Variants in ARHGEF28 observed in about 807,000 individuals in gnomAD.
The protein encoded by ARHGEF28 is 190 kDa guanine nucleotide exchange factor.
ARHGEF28 carries 152 observed loss-of-function variants against 206.6 expected under a neutral mutation model. The observed-to-expected ratio is 0.74, with a 90% CI of 0.64 to 0.84. The LOEUF (loss-of-function observed/expected upper bound fraction) is 0.84. Ranked by LOEUF, ARHGEF28 falls within the 40% of genes least tolerant of loss-of-function variation. The pLI is 0.00. For missense variants in ARHGEF28, 2,028 were observed against 2,073.2 expected (o/e 0.98, Z 0.42); for synonymous variants, 763 against 776.4 (o/e 0.98, Z 0.29).
chr5:73,762,938 G>A (rs553479219), intron 4 of ARHGEF28, among the ~76,000 whole-genome samples: 3 of 152,288 alleles, frequency 2.0e-5, no homozygotes, highest in Non-Finnish European at 2.9e-5. Context: ...GATAGTAATA[G>A]TACATACATC....
At chr5:73,712,688 C>G (rs1305428420) in intron 2 of ARHGEF28, among the ~76,000 whole-genome samples, 1 of 152,134 alleles carries the variant, frequency 6.6e-6, no homozygotes, top group African/African-American at 2.4e-5. Flanking sequence ...GTGAACTTTT[C>G]CCTCGAAATT....
chr5:73,802,011 A>G lies in ARHGEF28; in HGVS notation c.1024+6620A>G, dbSNP rs74522592. 6.1e-3 allele frequency among the ~76,000 whole-genome samples: 924 copies of G among 152,296 alleles called. 11 individuals carry two copies. Among genetic ancestry groups the G allele is most frequent in the African/African-American group, 0.021 (863 of 41,570 alleles). ...ATCACCCCTAACGTACTAGGTTTTCAGTAGTTTTGGGAATTAGAGAAATGG... is the reference window on the plus strand; with the variant it reads ...ATCACCCCTAACGTACTAGGTTTTCGGTAGTTTTGGGAATTAGAGAAATGG... On this transcript the variant is annotated intron_variant, in intron 9 of 35. Transcript: ENST00000513042.
In ARHGEF28 at chr5:73,846,471, C is replaced by T. The variant is rs2973571; in HGVS notation, c.1631C>T (p.Ser544Leu). The T allele has an allele frequency of 0.27, 431,725 of 1,611,306 alleles. 60,119 individuals carry two copies. Among genetic ancestry groups the T allele is most frequent in the Admixed American group, 0.3 (17,778 of 59,958 alleles). Residue 544 changes from serine to leucine, a missense_variant, in exon 12 of 36, where the codon TCG becomes TTG. Ser to Leu is a moderately radical substitution (Grantham distance 145, BLOSUM62 -2). Transcript: ENST00000513042. Reference sequence around the variant, plus strand: ...CTTCCTCTATCAAGTAATCTACAGTCGAAGGTATTCTTATTGCTATTAATT... The same window carrying T: ...CTTCCTCTATCAAGTAATCTACAGTTGAAGGTATTCTTATTGCTATTAATT... The part of the protein sequence containing the change: ...ESLPLSSNLQ[S>L]KESLLSGVRS...
At chr5:73,628,408 A>C (rs1184276216) in intron 1 of ARHGEF28, among the ~76,000 whole-genome samples, 1 of 152,210 alleles carries the variant, frequency 6.6e-6, no homozygotes, top group Non-Finnish European at 1.5e-5. Flanking sequence ...CATGATATAA[A>C]TGTTGGAAAA....
intron 2 of ARHGEF28, among the ~76,000 whole-genome samples, chr5:73,744,638 T>C (rs1376792169): frequency 6.6e-6 from 1 of 152,080 alleles, no homozygotes; most frequent in African/African-American, 2.4e-5. Context: ...ATAATAGTTT[T>C]CATGGCATGT....
At chr5:73,783,816 G>A (rs983471285) in intron 7 of ARHGEF28, among the ~76,000 whole-genome samples, 1 of 152,128 alleles carries the variant, frequency 6.6e-6, no homozygotes, top group Non-Finnish European at 1.5e-5. Context: ...TTTGACAGGT[G>A]TTTGGGGCAG....
At chr5:73,738,459 G>A (rs190349667) in intron 2 of ARHGEF28, among the ~76,000 whole-genome samples, 1 of 151,272 alleles carries the variant, frequency 6.6e-6, no homozygotes, top group African/African-American at 2.4e-5. Flanking sequence ...AGAGTCTTTA[G>A]CACTCTTATT....
At chr5:73,779,124 A>G (rs1753693642) in intron 6 of ARHGEF28, among the ~76,000 whole-genome samples, 1 of 152,238 alleles carries the variant, frequency 6.6e-6, no homozygotes, top group South Asian at 2.1e-4. Flanking sequence ...TCAGAGTTGT[A>G]AAGGGTTCAT....
rs72770871 is a variant in ARHGEF28 at position 73,766,774 on chromosome 5, T to C, written c.476-7081T>C. On this transcript the variant is annotated intron_variant, in intron 4 of 35. Coordinates refer to ENST00000513042, the MANE Select transcript of ARHGEF28 (RefSeq NM_001177693.2). ...GCAATGTAAGTTATTACCACCATTT[T>C]TGGAAAACACAGCAGCATTATCTAA... 2.0e-3 allele frequency among the ~76,000 whole-genome samples: 310 copies of C among 152,378 alleles called. 1 individual carries two copies. Among genetic ancestry groups the C allele is most frequent in the African/African-American group, 4.6e-3 (190 of 41,598 alleles).
chr5:73,668,013 A>G (rs1746074765), intron 1 of ARHGEF28, among the ~76,000 whole-genome samples: 1 of 152,112 alleles, frequency 6.6e-6, no homozygotes. Flanking sequence ...TCATATTTCT[A>G]CCACATTCTG....
chr5:73,805,776 G>T (rs1042454540), intron 9 of ARHGEF28, among the ~76,000 whole-genome samples: 6 of 152,084 alleles, frequency 3.9e-5, no homozygotes, highest in Admixed American at 3.3e-4. Context: ...ATGTACATAG[G>T]TTAGGATACA....
chr5:73,724,758 G>A (rs549648788), intron 2 of ARHGEF28, among the ~76,000 whole-genome samples: 2 of 152,252 alleles, frequency 1.3e-5, no homozygotes, highest in East Asian at 3.9e-4. Flanking sequence ...GTATTTCTTA[G>A]TAGTATTACA....
chr5:73,919,402 A>G (rs1763395462), intron 35 of ARHGEF28, among the ~76,000 whole-genome samples: 1 of 152,234 alleles, frequency 6.6e-6, no homozygotes, highest in Non-Finnish European at 1.5e-5. Flanking sequence ...TGAAGCTCTG[A>G]TAGCACAGCG....
chr5:73,833,247 A>G (rs1011331899), intron 10 of ARHGEF28, among the ~76,000 whole-genome samples: 5 of 152,228 alleles, frequency 3.3e-5, no homozygotes, highest in African/African-American at 1.2e-4. Context: ...CTTAATCCCT[A>G]TATAAGATCC....
chr5:73,871,988 T>G (rs892519580), intron 21 of ARHGEF28, among the ~76,000 whole-genome samples: 10 of 152,206 alleles, frequency 6.6e-5, no homozygotes, highest in African/African-American at 2.2e-4. Flanking sequence ...AATCATCAAT[T>G]GATGGACATT....
At chr5:73,769,763 C>G (rs1165651166) in intron 4 of ARHGEF28, among the ~76,000 whole-genome samples, 2 of 152,186 alleles carry the variant, frequency 1.3e-5, no homozygotes, top group Non-Finnish European at 2.9e-5. Context: ...TACATTTCCT[C>G]TAGCAGTGAT....
At chr5:73,628,898 C>T (rs538645125) in intron 1 of ARHGEF28, among the ~76,000 whole-genome samples, 1 of 152,300 alleles carries the variant, frequency 6.6e-6, no homozygotes, top group African/African-American at 2.4e-5. Context: ...TGTCCAGTCT[C>T]TGTGACCCTT....
chr5:73,723,529 A>C (rs1750090957), intron 2 of ARHGEF28, among the ~76,000 whole-genome samples: 2 of 152,196 alleles, frequency 1.3e-5, no homozygotes, highest in Admixed American at 1.3e-4. Context: ...CTTTATGAAA[A>C]TCAGTTTCAC....
At chr5:73,922,942 A>C in intron 35 of ARHGEF28, 2 of 691,254 alleles carry the variant, frequency 2.9e-6, no homozygotes, top group Non-Finnish European at 2.4e-6. Flanking sequence ...GTTCAGCATA[A>C]GCCCTGAAAA....
Sources: gnomAD v4.1 joint callset for allele counts (sites outside exome capture counted in the v4.1 genomes callset) on GRCh38, gnomAD v4.1.1 for gene constraint, MANE v1.5 for transcripts, NCBI Gene and HGNC (gene_info 2026-07-23, HGNC 2026-07-21) for gene names.